Variants in AGK observed in about 807,000 individuals in gnomAD.
The protein encoded by AGK is acylglycerol kinase, mitochondrial.
AGK carries 52 observed loss-of-function variants against 66.4 expected under a neutral mutation model. The ratio of observed to expected loss-of-function variants is 0.78; its 90% confidence interval spans 0.63 to 0.99. The LOEUF (loss-of-function observed/expected upper bound fraction) is 0.99. AGK is among the 50% of genes least tolerant of loss of function. The probability of loss-of-function intolerance (pLI) is 0.00; values close to 1 mark genes in which losing one functional copy is unlikely to be tolerated. For synonymous variants in AGK, 182 were observed against 181.1 expected (o/e 1.00, Z -0.04); for missense variants, 451 against 506.6 (o/e 0.89, Z 1.05).
chr7:141,648,536 T>G (rs1797471622), intron 13 of AGK, among the ~76,000 whole-genome samples: 1 of 152,148 alleles, frequency 6.6e-6, no homozygotes. Flanking sequence ...GCCTGAACAT[T>G]TTGAACCTAC....
intron 8 of AGK, 115 bp from the exon 9 acceptor site, chr7:141,621,617 A>AGAGAAT (rs1323616174): frequency 9.8e-6 from 7 of 714,800 alleles, no homozygotes; most frequent in Non-Finnish European, 1.7e-5. Flanking sequence ...AGGGAGAGAG[A>AGAGAAT]GAGAATGAGA....
intron 2 of AGK, among the ~76,000 whole-genome samples, chr7:141,581,575 G>T (rs895989910): frequency 2.6e-5 from 4 of 151,898 alleles, no homozygotes; most frequent in Admixed American, 2.6e-4. Flanking sequence ...TGGGATACTG[G>T]CATTGAGCGA....
chr7:141,591,085 T>TG (rs1255688526), intron 2 of AGK, among the ~76,000 whole-genome samples: 94 of 116,002 alleles, frequency 8.1e-4, no homozygotes, highest in African/African-American at 3.4e-3. Context: ...TTAAGTTGTT[T>TG]TTTTTTTTTT....
intron 2 of AGK, among the ~76,000 whole-genome samples, chr7:141,579,050 A>G (rs559664649): frequency 6.6e-6 from 1 of 152,180 alleles, no homozygotes; most frequent in South Asian, 2.1e-4. Context: ...GACAGAAGAT[A>G]GTAGGGATGA....
chr7:141,562,379 T>TCA (rs1210730213), intron 2 of AGK, among the ~76,000 whole-genome samples: 1 of 152,226 alleles, frequency 6.6e-6, no homozygotes, highest in Non-Finnish European at 1.5e-5. Context: ...GCAAGTATTC[T>TCA]GGTTTCTCAG....
chr7:141,615,665 A>G (rs1277406863), intron 8 of AGK, 100 bp downstream of exon 8: 7 of 938,930 alleles, frequency 7.5e-6, no homozygotes. Context: ...TGATAGCCTG[A>G]AACTTCAAAT....
intron 3 of AGK, among the ~76,000 whole-genome samples, chr7:141,595,206 A>G (rs918467670): frequency 1.1e-4 from 17 of 152,222 alleles, no homozygotes; most frequent in African/African-American, 3.6e-4. Context: ...TTTAGACACT[A>G]AGAAATGAGG....
chr7:141,551,914 C>A (rs1395164215), intron 1 of AGK, among the ~76,000 whole-genome samples: 2 of 152,144 alleles, frequency 1.3e-5, no homozygotes, highest in African/African-American at 4.8e-5. Flanking sequence ...AAAACATTTC[C>A]ACCTGGATAC....
intron 2 of AGK, among the ~76,000 whole-genome samples, chr7:141,573,371 CTATA>C (rs1309995527): frequency 6.6e-6 from 1 of 151,908 alleles, no homozygotes; most frequent in Non-Finnish European, 1.5e-5. Flanking sequence ...AAAAAAAAAT[CTATA>C]TATTTATTTT....
At chr7:141,577,046 A>G (rs1171239299) in intron 2 of AGK, among the ~76,000 whole-genome samples, 2 of 152,104 alleles carry the variant, frequency 1.3e-5, no homozygotes, top group Non-Finnish European at 2.9e-5. Context: ...TCTCAAAAAA[A>G]TAAAAAAAAT....
chr7:141,606,096 A>C (rs527357212), intron 5 of AGK, among the ~76,000 whole-genome samples: 2 of 152,278 alleles, frequency 1.3e-5, no homozygotes, highest in African/African-American at 4.8e-5. Flanking sequence ...TCATTCATTC[A>C]TTTACTTGTT....
At chr7:141,590,754 T>C (rs1318181216) in intron 2 of AGK, among the ~76,000 whole-genome samples, 3 of 152,202 alleles carry the variant, frequency 2.0e-5, no homozygotes, top group African/African-American at 7.2e-5. Flanking sequence ...TTTTTGTTGT[T>C]GTTACTGATG....
At chr7:141,617,102 T>C (rs1796722945) in intron 8 of AGK, among the ~76,000 whole-genome samples, 2 of 152,150 alleles carry the variant, frequency 1.3e-5, no homozygotes, top group Admixed American at 6.5e-5. Context: ...ACATTTTTGC[T>C]TTTCCAAGAT....
At chr7:141,588,564 C>T (rs1043543300) in intron 2 of AGK, among the ~76,000 whole-genome samples, 8 of 151,252 alleles carry the variant, frequency 5.3e-5, no homozygotes, top group Non-Finnish European at 8.8e-5. Flanking sequence ...TTCAGTGAGC[C>T]GAGACAGCGC....
chr7:141,606,999 A>ATTTC (rs1796476754), intron 5 of AGK, among the ~76,000 whole-genome samples: 1 of 152,056 alleles, frequency 6.6e-6, no homozygotes, highest in Non-Finnish European at 1.5e-5. Flanking sequence ...TTGTTAGCTC[A>ATTTC]TTTCTTTGCT....
At chr7:141,649,078 CA>C in intron 13 of AGK, 184 bp from the exon 14 acceptor site, 1 of 420,494 alleles carries the variant, frequency 2.4e-6, no homozygotes, top group Non-Finnish European at 4.1e-6. Context: ...AATTATACCT[CA>C]GTAAAGCTCT....
chr7:141,645,205 AT>A (rs1421871537), intron 13 of AGK, among the ~76,000 whole-genome samples: 1 of 152,112 alleles, frequency 6.6e-6, no homozygotes, highest in Non-Finnish European at 1.5e-5. Flanking sequence ...CTCTTCATTT[AT>A]TTAGGTCTTC....
intron 14 of AGK, chr7:141,650,493 C>CT (rs1046416802): frequency 1.0e-6 from 1 of 985,228 alleles, no homozygotes; most frequent in African/African-American, 1.7e-5. Context: ...CAAGTAATGT[C>CT]TGTTTCCTCT....
intron 2 of AGK, among the ~76,000 whole-genome samples, chr7:141,564,697 C>T (rs551399948): frequency 3.2e-4 from 49 of 152,252 alleles, no homozygotes; most frequent in African/African-American, 1.2e-3. Flanking sequence ...TGTTTTTCCT[C>T]CTCTGTCTCT....
Sources: gnomAD v4.1 joint callset for allele counts (sites outside exome capture counted in the v4.1 genomes callset) on GRCh38, gnomAD v4.1.1 for gene constraint, MANE v1.5 for transcripts, NCBI Gene and HGNC (gene_info 2026-07-23, HGNC 2026-07-21) for gene names.